Variants in COL21A1 observed in about 807,000 individuals in gnomAD.
COL21A1 encodes collagen type XXI alpha 1 chain.
COL21A1 carries 149 observed loss-of-function variants against 137.9 expected under a neutral mutation model. That is an observed-to-expected ratio of 1.08 (90% CI 0.95 to 1.24). The LOEUF (loss-of-function observed/expected upper bound fraction) is 1.24. Ranked by LOEUF, COL21A1 falls within the 50% of genes most tolerant of loss-of-function variation. The pLI, the probability that COL21A1 is intolerant of heterozygous loss-of-function variation, is 0.00. For synonymous variants in COL21A1, 456 were observed against 391.5 expected (o/e 1.16, Z -1.95); for missense variants, 1,167 against 1,158.4 (o/e 1.01, Z -0.11).
chr6:56,325,967 ATATT>A lies in COL21A1; in HGVS notation c.-39+68000_-39+68003del, dbSNP rs1562057932. Among the ~76,000 whole-genome samples the A allele has an allele frequency of 9.8e-3, 6 of 614 alleles. 1 individual carries two copies. The highest frequency in any genetic ancestry group is 0.071 in the South Asian group (1 of 14). The allele number at this position is 614 out of a possible 152,430, so 0.4% of individuals were successfully genotyped here. On this transcript the variant is annotated intron_variant, in intron 1 of 28. Transcript: ENST00000370819. ...ATATATTATATAATATATATAATAT[ATATT>A]ATATATTATATAATATATGTATATA... is the stretch of plus-strand genomic sequence containing the variant.
At chr6:56,360,740 T>C (rs1765946892) in intron 1 of COL21A1, among the ~76,000 whole-genome samples, 1 of 152,202 alleles carries the variant, frequency 6.6e-6, no homozygotes. Context: ...CTGGAATTAT[T>C]ATCAGCAACA....
chr6:56,204,812 C>T (rs763454858), intron 1 of COL21A1, among the ~76,000 whole-genome samples: 7 of 152,156 alleles, frequency 4.6e-5, no homozygotes, highest in Non-Finnish European at 7.3e-5. Flanking sequence ...TGTTCTGTAG[C>T]GTCCACTGGT....
chr6:56,150,529 C>G (rs1490630141), intron 10 of COL21A1, among the ~76,000 whole-genome samples: 1 of 149,960 alleles, frequency 6.7e-6, no homozygotes, highest in Non-Finnish European at 1.5e-5. Flanking sequence ...CACACACACA[C>G]ACACACACAC....
intron 1 of COL21A1, among the ~76,000 whole-genome samples, chr6:56,342,372 C>T (rs1055081643): frequency 2.6e-5 from 4 of 152,150 alleles, no homozygotes; most frequent in Admixed American, 1.3e-4. Flanking sequence ...TGTTTTAATG[C>T]GGTTCATCCT....
chr6:56,393,005 TA>T (rs1430518051), intron 1 of COL21A1, among the ~76,000 whole-genome samples: 2 of 146,150 alleles, frequency 1.4e-5, no homozygotes, highest in African/African-American at 5.1e-5. Flanking sequence ...TCCTAATATT[TA>T]TATGACACCA....
chr6:56,350,535 G>C (rs983159198), intron 1 of COL21A1, among the ~76,000 whole-genome samples: 1 of 152,222 alleles, frequency 6.6e-6, no homozygotes, highest in Non-Finnish European at 1.5e-5. Flanking sequence ...ATAAACAAAA[G>C]GTAAACTAAA....
In COL21A1 at chr6:56,059,217, T is replaced by C. The variant is rs1392327563; in HGVS notation, c.2634A>G (p.Lys878=). ...LKGLPGRNGE[K]GSQGFGYPGE... Reference sequence around the variant, plus strand: ...CAGGATACCCAAACCCTTGGCTCCCTTTTTCCCCATTTCTTCCTGGTAGGC... The same window carrying C: ...CAGGATACCCAAACCCTTGGCTCCCCTTTTCCCCATTTCTTCCTGGTAGGC... Residue 878 remains lysine, a synonymous_variant, in exon 29 of 30, where the codon AAA becomes AAG. Coordinates refer to ENST00000244728, the MANE Select transcript of COL21A1 (RefSeq NM_030820.4). The C allele has an allele frequency of 1.3e-6, 2 of 1,595,350 alleles. No individual in the cohort carries two copies. The highest frequency in any genetic ancestry group is 1.1e-5 in the South Asian group (1 of 88,304).
intron 1 of COL21A1, among the ~76,000 whole-genome samples, chr6:56,188,701 C>G (rs1778465847): frequency 6.6e-6 from 1 of 152,168 alleles, no homozygotes; most frequent in African/African-American, 2.4e-5. Flanking sequence ...CCAGTAGGGA[C>G]CGACAGACAC....
chr6:56,160,621 A>C (rs777660632), intron 9 of COL21A1, among the ~76,000 whole-genome samples: 1 of 152,170 alleles, frequency 6.6e-6, no homozygotes, highest in Non-Finnish European at 1.5e-5. Context: ...ACAATTGTAC[A>C]TTTTGAGTTT....
At chr6:56,098,590 T>C (rs1161137670) in intron 17 of COL21A1, among the ~76,000 whole-genome samples, 2 of 49,490 alleles carry the variant, frequency 4.0e-5, no homozygotes, top group East Asian at 1.9e-3. Context: ...TATATAAATA[T>C]ATAAATATAT....
intron 1 of COL21A1, among the ~76,000 whole-genome samples, chr6:56,197,788 T>A (rs78697851): frequency 6.6e-6 from 1 of 152,110 alleles, no homozygotes; most frequent in Non-Finnish European, 1.5e-5. Flanking sequence ...TGAAAAATAG[T>A]ATAGAGGTTC....
chr6:56,291,096 G>A (rs1484923836), intron 1 of COL21A1, among the ~76,000 whole-genome samples: 2 of 152,086 alleles, frequency 1.3e-5, no homozygotes, highest in African/African-American at 4.8e-5. Context: ...CAAGGGAAGG[G>A]AAAGAAACCA....
At chr6:56,347,077 T>C (rs1181754682) in intron 1 of COL21A1, among the ~76,000 whole-genome samples, 1 of 152,150 alleles carries the variant, frequency 6.6e-6, no homozygotes, top group Non-Finnish European at 1.5e-5. Flanking sequence ...CCAGGAACAC[T>C]CAGCTGCCTT....
At chr6:56,350,288 T>C (rs1475590938) in intron 1 of COL21A1, among the ~76,000 whole-genome samples, 1 of 151,952 alleles carries the variant, frequency 6.6e-6, no homozygotes, top group Non-Finnish European at 1.5e-5. Flanking sequence ...CATGGGCAGG[T>C]GAAAAGGGTG....
At chr6:56,120,616 C>T (rs1213705932) in intron 16 of COL21A1, among the ~76,000 whole-genome samples, 2 of 151,824 alleles carry the variant, frequency 1.3e-5, no homozygotes, top group African/African-American at 4.8e-5. Context: ...TGCCAACATG[C>T]CGAAATGTCT....
chr6:56,172,757 C>A (rs1020342876), intron 3 of COL21A1, among the ~76,000 whole-genome samples: 4 of 151,868 alleles, frequency 2.6e-5, no homozygotes, highest in Non-Finnish European at 5.9e-5. Flanking sequence ...TAAAAAGATG[C>A]AATTTGTGGC....
intron 1 of COL21A1, among the ~76,000 whole-genome samples, chr6:56,304,176 T>C (rs543015881): frequency 3.9e-5 from 6 of 152,312 alleles, no homozygotes; most frequent in African/African-American, 1.2e-4. Context: ...TCATCAGGGA[T>C]ATTGGTCTAA....
At chr6:56,379,773 T>A (rs1475145210) in intron 1 of COL21A1, among the ~76,000 whole-genome samples, 2 of 152,214 alleles carry the variant, frequency 1.3e-5, no homozygotes, top group African/African-American at 4.8e-5. Flanking sequence ...GAGTGCCTAT[T>A]TCCTCACTAT....
intron 17 of COL21A1, chr6:56,078,338 A>C (rs1767426093): frequency 2.4e-6 from 1 of 408,364 alleles, no homozygotes; most frequent in East Asian, 7.2e-5. Context: ...TGATTGTACT[A>C]ATCAATTTTT....
Sources: allele counts gnomAD v4.1 joint callset (sites outside exome capture counted in the v4.1 genomes callset), GRCh38; gene constraint gnomAD v4.1.1; transcripts MANE v1.5; gene names NCBI Gene and HGNC (gene_info 2026-07-23, HGNC 2026-07-21).